Variants in IL31RA observed in about 807,000 individuals in gnomAD.
IL31RA encodes the protein interleukin-31 receptor subunit alpha.
In IL31RA, 66 loss-of-function variants were observed where a neutral mutation model predicts 83.7. That is an observed-to-expected ratio of 0.79 (90% CI 0.65 to 0.97). The LOEUF is 0.97. Ranked by LOEUF, IL31RA falls within the 50% of genes least tolerant of loss-of-function variation. The pLI is 0.00. For missense variants in IL31RA, 798 were observed against 919.4 expected, an observed-to-expected ratio of 0.87 and a Z score of 1.71; for synonymous variants, 325 against 329.0, an observed-to-expected ratio of 0.99 and a Z score of 0.13.
At position 55,853,624 on chromosome 5, in the gene IL31RA, A is replaced by G. The variant is rs1004055239; in HGVS notation, c.63+1991A>G. On this transcript the variant is annotated intron_variant, in intron 1 of 14. Coordinates refer to ENST00000652347, the MANE Select transcript of IL31RA (RefSeq NM_139017.7). ...TTTGATCATCTTTTTCTACTTTATAAAAGTCTTTTTCTGTTTTCTTCAGTG... is the reference window on the plus strand; with the variant it reads ...TTTGATCATCTTTTTCTACTTTATAGAAGTCTTTTTCTGTTTTCTTCAGTG... 8 of 1,532,878 alleles carry G rather than the reference A, an allele frequency of 5.2e-6. No homozygotes were observed. In the African/African-American group the frequency reaches 5.5e-5, roughly 11 times the overall value. The allele number at this position is 1,532,878 out of a possible 1,614,324, so 95.0% of individuals were successfully genotyped here.
rs898242221 is a variant in IL31RA at position 55,919,918 on chromosome 5, G to T, written c.*2798G>T. 2.0e-5 allele frequency among the ~76,000 whole-genome samples: 3 copies of T among 152,220 alleles called. No homozygotes were observed. Among genetic ancestry groups the T allele is most frequent in the Non-Finnish European group, 2.9e-5 (2 of 68,044 alleles). ...TTCCCTGTTTACTGTCAGAGACATT[G>T]TGAGGACACAAACAGGAAGACTTGT... On this transcript the variant is annotated 3_prime_UTR_variant, in exon 15 of 15. Coordinates refer to ENST00000652347, the MANE Select transcript of IL31RA (RefSeq NM_139017.7).
intron 5 of IL31RA, among the ~76,000 whole-genome samples, chr5:55,885,905 C>T (rs2112453028): frequency 6.6e-6 from 1 of 152,334 alleles, no homozygotes; most frequent in East Asian, 1.9e-4. Flanking sequence ...ACCTGAGAAA[C>T]TTCTGGGATA....
At chr5:55,864,753 C>T (rs759382678) in intron 2 of IL31RA, among the ~76,000 whole-genome samples, 3 of 151,020 alleles carry the variant, frequency 2.0e-5, no homozygotes, top group Non-Finnish European at 3.0e-5. Flanking sequence ...ACACACACAC[C>T]ACGTACACAT....
At chr5:55,847,234 AAAAAAAAT>A (rs1206321925), upstream of IL31RA, among the ~76,000 whole-genome samples, 144 of 42,194 alleles carry the variant, frequency 3.4e-3, 4 homozygotes, top group African/African-American at 0.015. Context: ...CAGAAAAAAA[AAAAAAAAT>A]AAAAATAAAT....
At chr5:55,867,268 C>CGTGTGTTTGTGTGCGT in intron 2 of IL31RA, among the ~76,000 whole-genome samples, 1 of 127,940 alleles carries the variant, frequency 7.8e-6, no homozygotes, top group Admixed American at 7.7e-5. Context: ...TGTTTGTGTG[C>CGTGTGTTTGTGTGCGT]GTGTGTGTGC....
intron 11 of IL31RA, 198 bp downstream of exon 11, chr5:55,908,609 G>T (rs752134688): frequency 1.9e-6 from 3 of 1,550,498 alleles, no homozygotes; most frequent in Non-Finnish European, 2.6e-6. Flanking sequence ...TGAGAGTGAA[G>T]TGACAGTACC....
rs567688225 is a variant in IL31RA at position 55,882,930 on chromosome 5, G to A, written c.455-114G>A. ...GTACTGCCTTGCAAATGCCATCTTCGTTCCATATAGCAGACCACAATGCAC... is the reference window on the plus strand; with the variant it reads ...GTACTGCCTTGCAAATGCCATCTTCATTCCATATAGCAGACCACAATGCAC... On this transcript the variant is annotated intron_variant, in intron 4 of 14. Coordinates refer to ENST00000652347, the MANE Select transcript of IL31RA (RefSeq NM_139017.7). The A allele has an allele frequency of 6.0e-5, 58 of 970,348 alleles. No homozygotes were observed. The African/African-American group carries it at 6.6e-4, about 11-fold the overall frequency. The allele number at this position is 970,348 out of a possible 1,614,324, so 60.1% of individuals were successfully genotyped here. A position where few individuals can be genotyped will look rare whatever the true frequency, so the allele number is the denominator to read the frequency against.
intron 14 of IL31RA, among the ~76,000 whole-genome samples, chr5:55,916,149 GC>G (rs1224868049): frequency 3.3e-5 from 5 of 152,206 alleles, no homozygotes; most frequent in Admixed American, 1.3e-4. Flanking sequence ...GGAGGCCAAG[GC>G]AGGGGGGATT....
intron 2 of IL31RA, among the ~76,000 whole-genome samples, chr5:55,867,284 TGTGTGCATGTGTGTGTGTGC>T (rs1746223128): frequency 1.8e-5 from 2 of 111,158 alleles, no homozygotes; most frequent in African/African-American, 1.0e-4. Flanking sequence ...TGTGCATGTG[TGTGTGCATGTGTGTGTGTGC>T]GTGTGTGTGT....
intron 3 of IL31RA, among the ~76,000 whole-genome samples, chr5:55,871,781 T>G (rs1199663378): frequency 1.4e-5 from 2 of 145,266 alleles, no homozygotes; most frequent in South Asian, 4.3e-4. Context: ...TCACCAGCAG[T>G]AGATGCATCT....
intron 4 of IL31RA, among the ~76,000 whole-genome samples, chr5:55,882,378 CA>C (rs1237700165): frequency 6.6e-6 from 1 of 152,046 alleles, no homozygotes; most frequent in South Asian, 2.1e-4. Context: ...TTTTAAAAAA[CA>C]AAAGCTTTAT....
At chr5:55,902,613 A>G (rs573586670) in intron 8 of IL31RA, among the ~76,000 whole-genome samples, 2 of 152,236 alleles carry the variant, frequency 1.3e-5, no homozygotes, top group South Asian at 4.1e-4. Flanking sequence ...CTCCAGCCTG[A>G]GTGACAGAGC....
intron 4 of IL31RA, among the ~76,000 whole-genome samples, chr5:55,879,905 T>C (rs1289306910): frequency 6.6e-6 from 1 of 152,174 alleles, no homozygotes; most frequent in African/African-American, 2.4e-5. Flanking sequence ...TATAGAGTAT[T>C]AGAGTTAAGT....
chr5:55,894,570 CTG>C (rs1388892200), intron 6 of IL31RA, among the ~76,000 whole-genome samples: 2 of 152,188 alleles, frequency 1.3e-5, no homozygotes, highest in African/African-American at 4.8e-5. Context: ...AACAGCTAGA[CTG>C]TGTTAACTAG....
intron 8 of IL31RA, among the ~76,000 whole-genome samples, chr5:55,904,958 G>C (rs1749053188): frequency 6.6e-6 from 1 of 151,554 alleles, no homozygotes; most frequent in African/African-American, 2.4e-5. Flanking sequence ...CACTTTGGGA[G>C]ACCGACTGAG....
chr5:55,881,870 G>A (rs1438113658), intron 4 of IL31RA, among the ~76,000 whole-genome samples: 2 of 151,678 alleles, frequency 1.3e-5, no homozygotes, highest in Non-Finnish European at 2.9e-5. Context: ...CCGCCACCAT[G>A]CCCGGCTAAT....
intron 8 of IL31RA, among the ~76,000 whole-genome samples, chr5:55,901,989 T>C (rs1148037): frequency 0.31 from 46,942 of 152,036 alleles, 7,471 homozygotes; most frequent in African/African-American, 0.36. Context: ...AAAAATATTA[T>C]AAAATACACT....
At position 55,890,102 on chromosome 5, in the gene IL31RA, A is replaced by G; in HGVS notation, c.739A>G (p.Ser247Gly). 6.2e-7 allele frequency: 1 copy of G among 1,613,908 alleles called. No homozygotes were observed. Among genetic ancestry groups the G allele is most frequent in the Non-Finnish European group, 8.5e-7 (1 of 1,179,848 alleles). Residue 247 changes from serine (S) to glycine (G), a missense_variant, in exon 6 of 15, where the codon AGC becomes GGC. Physicochemically the swap from Ser to Gly is moderately conservative, Grantham distance 56 (BLOSUM62 0). Transcript: ENST00000652347. ...VKESKFWSDW[S>G]QEKMGMTEEE... Reference sequence around the variant, plus strand: ...GGAGTCAAAGTTCTGGAGTGACTGGAGCCAAGAAAAAATGGGAATGACTGA... The same window carrying G: ...GGAGTCAAAGTTCTGGAGTGACTGGGGCCAAGAAAAAATGGGAATGACTGA...
At chr5:55,864,142 G>T (rs1437217821) in intron 2 of IL31RA, among the ~76,000 whole-genome samples, 1 of 152,112 alleles carries the variant, frequency 6.6e-6, no homozygotes, top group African/African-American at 2.4e-5. Flanking sequence ...TTGTTTCCTT[G>T]TTCTCTGGCC....
Sources: allele counts gnomAD v4.1 joint callset (sites outside exome capture counted in the v4.1 genomes callset), GRCh38; gene constraint gnomAD v4.1.1; transcripts MANE v1.5; gene names NCBI Gene and HGNC (gene_info 2026-07-23, HGNC 2026-07-21).